The following LAT2 variants were observed in gnomAD, a reference collection of about 807,000 sequenced individuals.
LAT2 encodes linker for activation of T cells family member 2.
A neutral mutation model predicts 43.4 loss-of-function variants in LAT2; 23 were observed. That is an observed-to-expected ratio of 0.53 (90% CI 0.38 to 0.75). The LOEUF (loss-of-function observed/expected upper bound fraction) is 0.75, where lower values mean the gene tolerates loss of function less well. Ranked by LOEUF, LAT2 falls within the 30% of genes least tolerant of loss-of-function variation. LAT2 has a pLI of 0.00. For synonymous variants in LAT2, 128 were observed against 123.2 expected (o/e 1.04, Z -0.26); for missense variants, 284 against 310.2 (o/e 0.92, Z 0.64).
intron 9 of LAT2, among the ~76,000 whole-genome samples, chr7:74,221,357 G>C (rs375767111): frequency 1.4e-5 from 2 of 145,846 alleles, no homozygotes; most frequent in African/African-American, 5.1e-5. Context: ...TGAGGTTGCA[G>C]TGAGCCGAGA....
At chr7:74,213,690 T>G (rs1396422869) in intron 1 of LAT2, among the ~76,000 whole-genome samples, 6 of 152,200 alleles carry the variant, frequency 3.9e-5, no homozygotes, top group Non-Finnish European at 8.8e-5. Context: ...CCCAAAGTGC[T>G]GGGATTACAG....
At position 74,220,704 on chromosome 7, in the gene LAT2, G is replaced by A. The variant is rs1356096841; in HGVS notation, c.302G>A (p.Gly101Glu). ...GCCCAATTCTCGCCTCCTCCCGCAG[G>A]AAGCAGACACGGGTCGGAGGAAGCC... ...ASSRYQNFSKGSRHGSEEAYI... is the reference protein window; with the variant it reads ...ASSRYQNFSKESRHGSEEAYI... Residue 101 changes from glycine (G) to glutamate (E), a missense_variant and splice_region_variant, in exon 9 of 14, where the codon GGA (glycine) becomes GAA (glutamate). Coordinates refer to ENST00000460943, the MANE Select transcript of LAT2 (RefSeq NM_032464.3). The surrounding 1 kb of genome is among the most constrained non-coding windows in gnomAD (Gnocchi z 4.5). 3 of 1,608,638 alleles carry A rather than the reference G, an allele frequency of 1.9e-6. No individual in the cohort carries two copies. The highest frequency in any genetic ancestry group is 2.6e-6 in the Non-Finnish European group (3 of 1,175,650).
chr7:74,218,552 A>G (rs1802128841), intron 4 of LAT2, among the ~76,000 whole-genome samples: 2 of 152,210 alleles, frequency 1.3e-5, no homozygotes, highest in Admixed American at 1.3e-4. Context: ...GAACAAGGAT[A>G]CAAAGGGTGT....
rs782169191 is a variant in LAT2 at position 74,221,678 on chromosome 7, C to T, written c.374C>T (p.Ser125Leu). The T allele has an allele frequency of 5.0e-6, 8 of 1,612,738 alleles. No individual in the cohort carries two copies. Among genetic ancestry groups the T allele is most frequent in the South Asian group, 2.2e-5 (2 of 90,958 alleles). ...GAGTATTACAACTGGGGGCGGTTCT[C>T]GAAGCCCCCAGAAGGTGAGGCGAAG... ...AMEYYNWGRFSKPPEDDDANS... is the reference protein window; with the variant it reads ...AMEYYNWGRFLKPPEDDDANS... The change falls in exon 10 of 14, where the codon TCG becomes TTG. Residue 125 changes from serine (S) to leucine (L), a missense_variant. Coordinates refer to ENST00000460943, the MANE Select transcript of LAT2 (RefSeq NM_032464.3).
At position 74,214,179 on chromosome 7, in the gene LAT2, AATATATATAAAT is replaced by A. The variant is rs1554713684; in HGVS notation, c.-218-634_-218-623del. Among the ~76,000 whole-genome samples the A allele has an allele frequency of 4.9e-4, 46 of 94,378 alleles. 1 individual carries two copies. The highest frequency in any genetic ancestry group is 2.7e-3 in the East Asian group (10 of 3,646). 61.9% of individuals were successfully genotyped at this position (94,378 alleles called of 152,430 possible). A position where few individuals can be genotyped will look rare whatever the true frequency, so the allele number is the denominator to read the frequency against. On this transcript the variant is annotated intron_variant, in intron 1 of 13. Transcript: ENST00000460943. Reference sequence around the variant, plus strand: ...ATATATATGAAAATATATATATGAAAATATATATAAATATATATATGAAAATATATATGAAAA... The same window carrying A: ...ATATATATGAAAATATATATATGAAAATATATATGAAAATATATATGAAAA...
chr7:74,222,230 C>CAAAAA lies in LAT2; in HGVS notation c.388+555_388+559dup, dbSNP rs113312443. Reference sequence around the variant, plus strand: ...GTGAAACCCCATCTCTACAAAAATACAAAAAAAAAAAAAAAAAAAAATTAG... The same window carrying CAAAAA: ...GTGAAACCCCATCTCTACAAAAATACAAAAAAAAAAAAAAAAAAAAAAAAAATTAG... On this transcript the variant is annotated intron_variant, in intron 10 of 13. Coordinates refer to ENST00000460943, the MANE Select transcript of LAT2 (RefSeq NM_032464.3). Among the ~76,000 whole-genome samples the CAAAAA allele has an allele frequency of 9.1e-5, 6 of 65,606 alleles. No homozygotes were observed. The East Asian group carries it at 2.2e-3, about 24-fold the overall frequency. The allele number at this position is 65,606 out of a possible 152,430, so 43.0% of individuals were successfully genotyped here.
intron 13 of LAT2, among the ~76,000 whole-genome samples, chr7:74,226,841 G>C (rs531133814): frequency 6.6e-6 from 1 of 152,186 alleles, no homozygotes; most frequent in Admixed American, 6.6e-5. Flanking sequence ...CACCCCATCT[G>C]GGGGAAGGAC....
At chr7:74,215,832 G>T in intron 2 of LAT2, 115 bp from the exon 3 acceptor site, 1 of 737,232 alleles carries the variant, frequency 1.4e-6, no homozygotes, top group East Asian at 2.5e-5. Context: ...AGCGGGGAGG[G>T]GAGGTGGTGT....
Position 74,226,718 on chromosome 7 carries a change from CAG to C in LAT2, c.*18+1964_*18+1965del, listed in dbSNP as rs553072745. Reference sequence around the variant, plus strand: ...GCATGTTCACTGGTGGTAAGTCTGGCAGAGAGAAACAAAACAGGGAAGCGGGG... The same window carrying C: ...GCATGTTCACTGGTGGTAAGTCTGGCAGAGAAACAAAACAGGGAAGCGGGG... On this transcript the variant is annotated intron_variant, in intron 13 of 13. Coordinates refer to ENST00000460943, the MANE Select transcript of LAT2 (RefSeq NM_032464.3). Among the ~76,000 whole-genome samples, 52 of 152,182 alleles carry C rather than the reference CAG, an allele frequency of 3.4e-4. 2 individuals are homozygous for C. In the South Asian group the frequency reaches 0.011, roughly 32 times the overall value.
At chr7:74,211,010 C>G (rs2116063940) in intron 1 of LAT2, among the ~76,000 whole-genome samples, 1 of 151,666 alleles carries the variant, frequency 6.6e-6, no homozygotes, top group Admixed American at 6.5e-5. Flanking sequence ...TCCTCCAGCC[C>G]AGCCCCGAGA....
At chr7:74,214,091 AATAT>A (rs1388689273) in intron 1 of LAT2, among the ~76,000 whole-genome samples, 2 of 111,446 alleles carry the variant, frequency 1.8e-5, no homozygotes, top group South Asian at 2.4e-4. Context: ...TATATGAAAA[AATAT>A]ATATAAATAT....
intron 1 of LAT2, among the ~76,000 whole-genome samples, chr7:74,213,640 G>T (rs570358579): frequency 5.3e-5 from 8 of 151,964 alleles, no homozygotes; most frequent in African/African-American, 1.7e-4. Context: ...GGTCAGGCTA[G>T]TCTCGAACTC....
chr7:74,220,244 C>T lies in LAT2; in HGVS notation c.255C>T (p.Pro85=). ...AGGACAAGCTGTTGCAATTCTACCC[C>T]AGCCTGGAGGGTGAGTGGCACAGGG... ...TRKDKLLQFY[P]SLEDPASSRY... The change falls in exon 7 of 14, where the codon CCC becomes CCT. Residue 85 remains proline, a synonymous_variant. Transcript: ENST00000460943. This position sits in a 1 kb window ranked among gnomAD's most constrained non-coding sequence, Gnocchi z 4.5. 2 of 1,611,690 alleles carry T rather than the reference C, an allele frequency of 1.2e-6. No individual in the cohort carries two copies. Among genetic ancestry groups the T allele is most frequent in the African/African-American group, 1.3e-5 (1 of 75,026 alleles).
intron 4 of LAT2, among the ~76,000 whole-genome samples, chr7:74,217,557 C>T (rs1802089914): frequency 6.6e-6 from 1 of 152,330 alleles, no homozygotes; most frequent in East Asian, 1.9e-4. Flanking sequence ...GACAGAGAAC[C>T]CGGCACAGGG....
At position 74,224,108 on chromosome 7, in the gene LAT2, C is replaced by G; in HGVS notation, c.539C>G (p.Pro180Arg). Residue 180 changes from proline (P) to arginine (R), a missense_variant, in exon 12 of 14, where the codon CCC (proline) becomes CGC (arginine). Coordinates refer to ENST00000460943, the MANE Select transcript of LAT2 (RefSeq NM_032464.3). ...ACTGGCCCCACTTCTGGTCTCTGTC[C>G]CTCTGCCTCCCCGGAAGAAGATGAG... ...LKTGPTSGLC[P>R]SASPEEDEES... is the part of the protein sequence containing the mutation. The G allele has an allele frequency of 6.2e-7, 1 of 1,614,168 alleles. No individual in the cohort carries two copies. The highest frequency in any genetic ancestry group is 1.1e-5 in the South Asian group (1 of 91,084).
Position 74,220,509 on chromosome 7 carries a change from C to T in LAT2, c.266-75C>T. On this transcript the variant is annotated intron_variant, in intron 7 of 13. Transcript: ENST00000460943. This position sits in a 1 kb window ranked among gnomAD's most constrained non-coding sequence, Gnocchi z 4.5. ...AGACACGGGAAATAGCTGGCCCTGCCTTGGGCTGCAGCACCCGAGCTGGGT... is the reference window on the plus strand; with the variant it reads ...AGACACGGGAAATAGCTGGCCCTGCTTTGGGCTGCAGCACCCGAGCTGGGT... 3.1e-6 allele frequency: 5 copies of T among 1,588,396 alleles called. No homozygotes were observed. The highest frequency in any genetic ancestry group is 4.3e-6 in the Non-Finnish European group (5 of 1,159,430).
intron 5 of LAT2, 83 bp downstream of exon 5, chr7:74,219,870 C>T (rs782331619): frequency 9.7e-5 from 156 of 1,611,198 alleles, no homozygotes; most frequent in Non-Finnish European, 1.3e-4. Flanking sequence ...GACCTGAGAC[C>T]GTGGCCAGGC....
At chr7:74,212,575 G>A (rs1431086470) in intron 1 of LAT2, among the ~76,000 whole-genome samples, 2 of 152,226 alleles carry the variant, frequency 1.3e-5, no homozygotes, top group African/African-American at 4.8e-5. Flanking sequence ...TACCCAGCCC[G>A]ACCTCATTTT....
chr7:74,223,796 A>G lies in LAT2; in HGVS notation c.448+13A>G. 6.2e-7 allele frequency: 1 copy of G among 1,612,894 alleles called. No individual in the cohort carries two copies. Among genetic ancestry groups the G allele is most frequent in the Non-Finnish European group, 8.5e-7 (1 of 1,179,278 alleles). The stretch of plus-strand genomic sequence containing the variant: ...ACCACAGAGACAGGTGAGGCTGCCC[A>G]GCCAGAGGCAGGCTGGGGCTGGGAG... On this transcript the variant is annotated intron_variant, in intron 11 of 13. Coordinates refer to ENST00000460943, the MANE Select transcript of LAT2 (RefSeq NM_032464.3).
Sources: allele counts gnomAD v4.1 joint callset (sites outside exome capture counted in the v4.1 genomes callset), GRCh38; gene constraint gnomAD v4.1.1; non-coding constraint Gnocchi (gnomAD v3.1); transcripts MANE v1.5; gene names NCBI Gene and HGNC (gene_info 2026-07-23, HGNC 2026-07-21).